CYTH3: variants seen among roughly 807,000 people sequenced by gnomAD.
The protein encoded by CYTH3 is cytohesin-3.
In CYTH3, 23 loss-of-function variants were observed where a neutral mutation model predicts 55.1. The ratio of observed to expected loss-of-function variants is 0.42; its 90% CI spans 0.30 to 0.59. The LOEUF is 0.59. Ranked by LOEUF, CYTH3 falls within the 20% of genes least tolerant of loss-of-function variation. CYTH3 has a pLI of 0.20. For missense variants in CYTH3, 413 were observed against 524.8 expected (o/e 0.79, Z 2.08); for synonymous variants, 249 against 194.9 (o/e 1.28, Z -2.31).
chr7:6,226,795 AG>A (rs965128215), intron 1 of CYTH3, among the ~76,000 whole-genome samples: 6 of 152,198 alleles, frequency 3.9e-5, no homozygotes, highest in African/African-American at 2.4e-5. Flanking sequence ...TTAAGAGGAA[AG>A]GGGGCCGGGC....
intron 1 of CYTH3, among the ~76,000 whole-genome samples, chr7:6,201,245 G>A: frequency 6.6e-6 from 1 of 152,222 alleles, no homozygotes; most frequent in East Asian, 1.9e-4. Flanking sequence ...TAACAGGGCA[G>A]TCACGTGTTA....
At chr7:6,165,835 T>G in intron 9 of CYTH3, 25 bp from the exon 10 acceptor site, 1 of 1,613,194 alleles carries the variant, frequency 6.2e-7, no homozygotes, top group South Asian at 1.1e-5. Context: ...GCCCCGTGAG[T>G]CTGCGCTCCG....
chr7:6,222,430 G>A (rs1371338039), intron 1 of CYTH3, among the ~76,000 whole-genome samples: 2 of 152,054 alleles, frequency 1.3e-5, no homozygotes, highest in Non-Finnish European at 2.9e-5. Flanking sequence ...AAGAATCCCA[G>A]GCAAATGTTA....
chr7:6,246,108 T>G (rs1245921545), intron 1 of CYTH3, among the ~76,000 whole-genome samples: 1 of 152,026 alleles, frequency 6.6e-6, no homozygotes, highest in African/African-American at 2.4e-5. Flanking sequence ...TTTGAGACAG[T>G]CTTGCTCTGT....
chr7:6,272,614 G>T lies in CYTH3; in HGVS notation c.-107C>A, dbSNP rs993418134. ...GCAGGCGACCGGGCGGCTCCTCAGC[G>T]CGCGGCCCGGGTCGCGGCCGGGCCT... On this transcript the variant is annotated 5_prime_UTR_variant, in exon 1 of 13. Coordinates refer to ENST00000350796, the MANE Select transcript of CYTH3 (RefSeq NM_004227.4). The T allele has an allele frequency of 2.3e-4, 196 of 860,438 alleles. No individual in the cohort carries two copies. The African/African-American group carries it at 3.3e-3, about 14-fold the overall frequency. 53.3% of individuals were successfully genotyped at this position (860,438 alleles called of 1,614,324 possible).
At position 6,190,484 on chromosome 7, in the gene CYTH3, G is replaced by A. The variant is rs1783775172; in HGVS notation, c.82C>T (p.Arg28Cys). ...TCAATAAGTTCCTTTTTTCTTCGAC[G>A]AATGTCTAGAAGTTCTTCTCTCTCT... Reference protein sequence around the residue: ...LEEREELLDIRRRKKELIDDI... With the variant: ...LEEREELLDICRRKKELIDDI... Residue 28 changes from arginine (R) to cysteine (C), a missense_variant, in exon 2 of 13, where the codon CGT (arginine) becomes TGT (cysteine). Around this residue, in one of 4 missense-constraint regions of CYTH3, gnomAD observed 152 missense variants for 148.1 expected, o/e 1.03. Transcript: ENST00000350796. The A allele has an allele frequency of 2.0e-6, 3 of 1,485,782 alleles. No individual in the cohort carries two copies. Among genetic ancestry groups the A allele is most frequent in the South Asian group, 1.3e-5 (1 of 77,776 alleles). 92.0% of individuals were successfully genotyped at this position (1,485,782 alleles called of 1,614,324 possible).
intron 4 of CYTH3, among the ~76,000 whole-genome samples, chr7:6,180,450 A>C (rs1439588085): frequency 5.9e-5 from 9 of 152,210 alleles, no homozygotes; most frequent in Admixed American, 5.9e-4. Context: ...AAGACAATGG[A>C]GGCAGAGACC....
intron 1 of CYTH3, among the ~76,000 whole-genome samples, chr7:6,259,752 ATATAT>A (rs1274470187): frequency 2.5e-4 from 3 of 11,972 alleles, no homozygotes; most frequent in African/African-American, 9.4e-4. Context: ...TAATATATAT[ATATAT>A]TATATATATA....
intron 1 of CYTH3, among the ~76,000 whole-genome samples, chr7:6,253,539 C>T (rs1009255532): frequency 5.3e-5 from 8 of 151,928 alleles, no homozygotes; most frequent in African/African-American, 1.2e-4. Flanking sequence ...TAAAAACAGC[C>T]GGGCACGGTG....
At chr7:6,253,095 A>T (rs1780013940) in intron 1 of CYTH3, among the ~76,000 whole-genome samples, 1 of 152,336 alleles carries the variant, frequency 6.6e-6, no homozygotes, top group East Asian at 1.9e-4. Flanking sequence ...ATTTACAATT[A>T]AAAAATTAAA....
chr7:6,256,884 G>A (rs766812416), intron 1 of CYTH3, among the ~76,000 whole-genome samples: 2 of 152,182 alleles, frequency 1.3e-5, no homozygotes, highest in Admixed American at 6.5e-5. Flanking sequence ...ACAACGTGTG[G>A]CGAGCAAGAG....
At chr7:6,240,465 T>C (rs573663482) in intron 1 of CYTH3, among the ~76,000 whole-genome samples, 3 of 152,062 alleles carry the variant, frequency 2.0e-5, no homozygotes, top group East Asian at 3.9e-4. Flanking sequence ...GATACTAAAA[T>C]ACCATGGTCT....
At chr7:6,267,932 C>A (rs1325040007) in intron 1 of CYTH3, among the ~76,000 whole-genome samples, 1 of 152,120 alleles carries the variant, frequency 6.6e-6, no homozygotes, top group African/African-American at 2.4e-5. Flanking sequence ...AAAGTGAAGA[C>A]AGATTATTCA....
At chr7:6,247,542 C>G (rs1256614548) in intron 1 of CYTH3, among the ~76,000 whole-genome samples, 5 of 152,180 alleles carry the variant, frequency 3.3e-5, no homozygotes, top group Non-Finnish European at 7.3e-5. Context: ...ATTTAACTTT[C>G]TACATTGTAA....
intron 1 of CYTH3, among the ~76,000 whole-genome samples, chr7:6,221,267 T>C (rs1784544780): frequency 6.6e-6 from 1 of 152,170 alleles, no homozygotes; most frequent in African/African-American, 2.4e-5. Flanking sequence ...CCTGGTTGGA[T>C]TGTAAGGGCA....
Position 6,259,767 on chromosome 7 carries a change from A to AT in CYTH3, c.34+12706dup, listed in dbSNP as rs1466042768. Among the ~76,000 whole-genome samples, 43 of 24,402 alleles carry AT rather than the reference A, an allele frequency of 1.8e-3. 1 individual carries two copies. Among genetic ancestry groups the AT allele is most frequent in the African/African-American group, 0.015 (39 of 2,660 alleles). 16.0% of individuals were successfully genotyped at this position (24,402 alleles called of 152,430 possible). On this transcript the variant is annotated intron_variant, in intron 1 of 12. Coordinates refer to ENST00000350796, the MANE Select transcript of CYTH3 (RefSeq NM_004227.4). The stretch of plus-strand genomic sequence containing the variant: ...TAATATATATATATATTATATATAT[A>AT]TATATTATATATATATAATATATAT...
At chr7:6,251,782 A>G (rs923380884) in intron 1 of CYTH3, among the ~76,000 whole-genome samples, 3 of 152,166 alleles carry the variant, frequency 2.0e-5, no homozygotes, top group Non-Finnish European at 2.9e-5. Flanking sequence ...CATAAAATCA[A>G]ATCTACAAAG....
chr7:6,242,300 T>A (rs1482458142), intron 1 of CYTH3, among the ~76,000 whole-genome samples: 2 of 150,416 alleles, frequency 1.3e-5, no homozygotes, highest in African/African-American at 2.5e-5. Context: ...ATGGTCTCCA[T>A]CTCCTGACGT....
At chr7:6,220,353 A>G (rs958085503) in intron 1 of CYTH3, among the ~76,000 whole-genome samples, 2 of 152,206 alleles carry the variant, frequency 1.3e-5, no homozygotes, top group African/African-American at 2.4e-5. Context: ...AAAGTAGACC[A>G]TAAGTTTAAA....
Sources: allele counts gnomAD v4.1 joint callset (sites outside exome capture counted in the v4.1 genomes callset), GRCh38; gene constraint gnomAD v4.1.1; regional missense constraint gnomAD v4.1.1; transcripts MANE v1.5; gene names NCBI Gene and HGNC (gene_info 2026-07-23, HGNC 2026-07-21).